The following SRPK1 variants were observed in gnomAD, a reference collection of about 807,000 sequenced individuals.
SRPK1 encodes SRSF protein kinase 1.
A neutral mutation model predicts 89.5 loss-of-function variants in SRPK1; 52 were observed. The observed-to-expected ratio is 0.58, with a 90% CI of 0.46 to 0.73. The LOEUF (loss-of-function observed/expected upper bound fraction) is 0.73, where lower values mean the gene tolerates loss of function less well. Ranked by LOEUF, SRPK1 falls within the 30% of genes least tolerant of loss-of-function variation. The pLI, the probability that SRPK1 is intolerant of heterozygous loss-of-function variation, is 0.00. For synonymous variants in SRPK1, 255 were observed against 270.2 expected (o/e 0.94, Z 0.55); for missense variants, 603 against 780.6 (o/e 0.77, Z 2.71).
chr6:35,884,392 A>G (rs1196469740), intron 6 of SRPK1, among the ~76,000 whole-genome samples: 1 of 152,154 alleles, frequency 6.6e-6, no homozygotes, highest in African/African-American at 2.4e-5. Flanking sequence ...AATATGAGAA[A>G]CGATAGTGGT....
At position 35,880,746 on chromosome 6, in the gene SRPK1, A is replaced by AAAGAAAGAAAG. The variant is rs1770263647; in HGVS notation, c.478+5977_478+5978insCTTTCTTTCTT. Reference sequence around the variant, plus strand: ...AAAAAAAAAAAAAAGAAAAAAAAAAAAAAAGAAAAGAAAAGAAGAAGAAAT... The same window carrying AAAGAAAGAAAG: ...AAAAAAAAAAAAAAGAAAAAAAAAAAAAGAAAGAAAGAAAAGAAAAGAAAAGAAGAAGAAAT... On this transcript the variant is annotated intron_variant, in intron 6 of 15. Coordinates refer to ENST00000373825, the MANE Select transcript of SRPK1 (RefSeq NM_003137.5). 1.5e-3 allele frequency among the ~76,000 whole-genome samples: 131 copies of AAAGAAAGAAAG among 89,182 alleles called. 4 individuals carry two copies. The highest frequency in any genetic ancestry group is 2.2e-3 in the African/African-American group (49 of 22,080). The allele number at this position is 89,182 out of a possible 152,430, so 58.5% of individuals were successfully genotyped here.
At chr6:35,880,735 G>GAAAAAAAAAAAAAAA (rs1238876364) in intron 6 of SRPK1, among the ~76,000 whole-genome samples, 11 of 26,972 alleles carry the variant, frequency 4.1e-4, no homozygotes, top group Admixed American at 9.3e-4. Flanking sequence ...AAAAAAAAAA[G>GAAAAAAAAAAAAAAA]AAAAAAAAAA....
chr6:35,857,631 T>C (rs957873601), intron 12 of SRPK1, among the ~76,000 whole-genome samples: 1 of 152,208 alleles, frequency 6.6e-6, no homozygotes, highest in Non-Finnish European at 1.5e-5. Flanking sequence ...AGCTTTTTTC[T>C]TTTTAAAAAT....
At chr6:35,847,192 G>A (rs1292243033) in intron 13 of SRPK1, among the ~76,000 whole-genome samples, 1 of 152,174 alleles carries the variant, frequency 6.6e-6, no homozygotes, top group Non-Finnish European at 1.5e-5. Context: ...AAGTACAAAT[G>A]TCAGTTAGCT....
At chr6:35,839,833 C>A (rs1769266812) in intron 14 of SRPK1, among the ~76,000 whole-genome samples, 1 of 152,042 alleles carries the variant, frequency 6.6e-6, no homozygotes. Context: ...GTGCATACCA[C>A]CAGGTCCAGC....
In SRPK1 at chr6:35,835,469, C is replaced by A. The variant is rs748106757; in HGVS notation, c.1803G>T (p.Thr601=). Residue 601 remains threonine (T), a synonymous_variant, in exon 16 of 16, where the codon ACG becomes ACT. Transcript: ENST00000373825. ...CAAAAAGGCCCCAAGGTTTCAGCTT[C>A]GTGATATGTTTCAGGTCACCTGCAG... ...FTKKGDLKHI[T]KLKPWGLFEV... is the part of the protein sequence containing the mutation. 2 of 1,612,886 alleles carry A rather than the reference C, an allele frequency of 1.2e-6. No homozygotes were observed. Among genetic ancestry groups the A allele is most frequent in the Admixed American group, 3.3e-5 (2 of 59,862 alleles).
rs1226348314 is a variant in SRPK1, at chr6:35,850,024, CAGAG to C, written c.1620+7233_1620+7236del. On this transcript the variant is annotated intron_variant, in intron 13 of 15. Coordinates refer to ENST00000373825, the MANE Select transcript of SRPK1 (RefSeq NM_003137.5). The stretch of plus-strand genomic sequence containing the variant: ...TCTAAAACAATTTAACTCATAGAAG[CAGAG>C]AGCAGAATGGTGGTTACAGAGACTG... 3.9e-5 allele frequency among the ~76,000 whole-genome samples: 6 copies of C among 151,996 alleles called. No homozygotes were observed. The East Asian group carries it at 1.2e-3, about 29-fold the overall frequency.
At chr6:35,920,626 G>T in intron 1 of SRPK1, 98 bp from the exon 2 acceptor site, 2 of 1,087,852 alleles carry the variant, frequency 1.8e-6, no homozygotes, top group Non-Finnish European at 2.5e-6. Context: ...CCGGCTGCGG[G>T]GCCTGCCTCG....
At chr6:35,838,715 T>A in intron 14 of SRPK1, 1 of 1,440,322 alleles carries the variant, frequency 6.9e-7, no homozygotes, top group Non-Finnish European at 9.3e-7. Flanking sequence ...CCTCTGTGAC[T>A]GAAGAAGTCT....
At chr6:35,869,207 A>C in intron 11 of SRPK1, 97 bp from the exon 12 acceptor site, 1 of 1,045,938 alleles carries the variant, frequency 9.6e-7, no homozygotes, top group Non-Finnish European at 1.4e-6. Context: ...TACAGTCAGC[A>C]ATACCCAAGT....
intron 15 of SRPK1, 41 bp from the exon 16 acceptor site, chr6:35,835,529 A>C (rs997231022): frequency 1.3e-6 from 2 of 1,550,792 alleles, no homozygotes; most frequent in Admixed American, 3.9e-5. Context: ...TGATCAACAC[A>C]GACAAATGAC....
At chr6:35,890,048 C>A (rs555977187) in intron 3 of SRPK1, among the ~76,000 whole-genome samples, 1 of 152,170 alleles carries the variant, frequency 6.6e-6, no homozygotes, top group Admixed American at 6.5e-5. Context: ...GCAGAGCTTG[C>A]AGTGAGCCGA....
At chr6:35,915,976 AC>A (rs375628905) in intron 2 of SRPK1, among the ~76,000 whole-genome samples, 2,125 of 106,748 alleles carry the variant, frequency 0.02, 421 homozygotes, top group African/African-American at 0.092. Flanking sequence ...TGTCTCAAAA[AC>A]AAAAAAAAAA....
intron 6 of SRPK1, among the ~76,000 whole-genome samples, chr6:35,880,761 G>GAA (rs1476505502): frequency 8.5e-5 from 4 of 47,314 alleles, no homozygotes; most frequent in African/African-American, 1.1e-4. Flanking sequence ...GAAAAGAAAA[G>GAA]AAGAAGAAAT....
intron 2 of SRPK1, among the ~76,000 whole-genome samples, chr6:35,913,864 G>A (rs1165106324): frequency 2.6e-5 from 4 of 151,202 alleles, no homozygotes; most frequent in Non-Finnish European, 5.9e-5. Flanking sequence ...AATTTGCCAC[G>A]GTTTTAAAAA....
At position 35,857,344 on chromosome 6, in the gene SRPK1, G is replaced by A; in HGVS notation, c.1537C>T (p.Gln513Ter). The A allele has an allele frequency of 6.2e-7, 1 of 1,611,292 alleles. No homozygotes were observed. Among genetic ancestry groups the A allele is most frequent in the Non-Finnish European group, 8.5e-7 (1 of 1,178,680 alleles). The change falls in exon 13 of 16, where the codon CAA becomes TAA. Residue 513 changes from glutamine to a stop codon, truncating the protein, a stop_gained. Coordinates refer to ENST00000373825, the MANE Select transcript of SRPK1 (RefSeq NM_003137.5). LOFTEE classifies it high-confidence loss of function. The part of the protein sequence containing the change: ...WVHKHFTEDI[Q>*]TRQYRSLEVL... ...TCCAAGGAACGATATTGCCTTGTTT[G>A]AATATCTTCAGTGAAATGTTTGTGC... is the stretch of plus-strand genomic sequence containing the variant.
intron 1 of SRPK1, 198 bp downstream of exon 1, chr6:35,920,846 C>T: frequency 1.9e-6 from 1 of 533,770 alleles, no homozygotes; most frequent in Non-Finnish European, 3.1e-6. Flanking sequence ...CGGCTACGGC[C>T]GGCGCCAGAG....
rs9717947 is a variant in SRPK1, at chr6:35,880,746, A to G, written c.478+5978T>C. Among the ~76,000 whole-genome samples, 56 of 89,208 alleles carry G rather than the reference A, an allele frequency of 6.3e-4. 4 individuals are homozygous for G. Among genetic ancestry groups the G allele is most frequent in the African/African-American group, 1.4e-3 (32 of 22,094 alleles). The allele number at this position is 89,208 out of a possible 152,430, so 58.5% of individuals were successfully genotyped here. A position where few individuals can be genotyped will look rare whatever the true frequency, so the allele number is the denominator to read the frequency against. ...AAAAAAAAAAAAAAGAAAAAAAAAA[A>G]AAAAGAAAAGAAAAGAAGAAGAAAT... On this transcript the variant is annotated intron_variant, in intron 6 of 15. Coordinates refer to ENST00000373825, the MANE Select transcript of SRPK1 (RefSeq NM_003137.5).
rs531233063 is a variant in SRPK1 at position 35,907,874 on chromosome 6, T to C, written c.74+12594A>G. Among the ~76,000 whole-genome samples, 21 of 152,266 alleles carry C rather than the reference T, an allele frequency of 1.4e-4. No individual in the cohort carries two copies. The East Asian group carries it at 3.9e-3, about 28-fold the overall frequency. ...GATGAGGTGGGAGGTCACTGGGTCATGGGGGTGGTTCACCCACGCTGTTCT... is the reference window on the plus strand; with the variant it reads ...GATGAGGTGGGAGGTCACTGGGTCACGGGGGTGGTTCACCCACGCTGTTCT... On this transcript the variant is annotated intron_variant, in intron 2 of 15. Transcript: ENST00000373825.
Sources: allele counts gnomAD v4.1 joint callset (sites outside exome capture counted in the v4.1 genomes callset), GRCh38; gene constraint gnomAD v4.1.1; transcripts MANE v1.5; gene names NCBI Gene and HGNC (gene_info 2026-07-23, HGNC 2026-07-21).